Variants in NFIX observed in about 807,000 individuals in gnomAD.
NFIX encodes nuclear factor I X.
NFIX carries 2 observed loss-of-function variants against 53.3 expected under a neutral mutation model. The observed-to-expected ratio is 0.04, with a 90% CI of 0.02 to 0.12. The LOEUF is 0.12. Among genes scored for constraint, NFIX ranks in the 10% least tolerant of loss-of-function variants. NFIX has a pLI of 1.00. For synonymous variants in NFIX, 244 were observed against 289.0 expected (o/e 0.84, Z 1.58); for missense variants, 310 against 674.5 (o/e 0.46, Z 5.99).
At chr19:13,031,523 T>TA (rs985106601) in intron 2 of NFIX, among the ~76,000 whole-genome samples, 2 of 151,954 alleles carry the variant, frequency 1.3e-5, no homozygotes, top group Non-Finnish European at 2.9e-5. Context: ...AATGCACACT[T>TA]AGTCAACTTA....
At chr19:13,074,553 G>A (rs905654223) in intron 5 of NFIX, among the ~76,000 whole-genome samples, 1 of 151,950 alleles carries the variant, frequency 6.6e-6, no homozygotes, top group Admixed American at 6.6e-5. Context: ...AGTGTGTGTG[G>A]GCGGGACTGA....
intron 8 of NFIX, among the ~76,000 whole-genome samples, chr19:13,086,890 G>A (rs781396504): frequency 6.6e-6 from 1 of 152,248 alleles, no homozygotes; most frequent in Non-Finnish European, 1.5e-5. Flanking sequence ...GACATCAAGG[G>A]GATGGGCTCC....
chr19:13,070,520 G>A (rs1285719167), intron 2 of NFIX: 1 of 152,648 alleles, frequency 6.6e-6, no homozygotes, highest in South Asian at 2.1e-4. Context: ...CCGGCCGCAG[G>A]CCTGGCTCCT....
Position 13,075,596 on chromosome 19 carries a change from T to G in NFIX, c.880T>G (p.Phe294Val). The G allele has an allele frequency of 6.2e-7, 1 of 1,613,666 alleles. No homozygotes were observed. Among genetic ancestry groups the G allele is most frequent in the Non-Finnish European group, 8.5e-7 (1 of 1,179,784 alleles). Reference protein sequence around the residue: ...SEMESPVDDVFYPGTGRSPAA... With the variant: ...SEMESPVDDVVYPGTGRSPAA... ...GATGGAGAGCCCTGTTGATGACGTG[T>G]TCTATCCCGGGACAGGCCGTTCCCC... is the stretch of plus-strand genomic sequence containing the variant. Residue 294 changes from phenylalanine to valine, a missense_variant, in exon 6 of 11, where the codon TTC becomes GTC. Coordinates refer to ENST00000592199, the MANE Select transcript of NFIX (RefSeq NM_001365902.3).
At chr19:13,055,409 C>T (rs993097588) in intron 2 of NFIX, among the ~76,000 whole-genome samples, 5 of 152,190 alleles carry the variant, frequency 3.3e-5, no homozygotes, top group Non-Finnish European at 7.4e-5. Flanking sequence ...CCGGGGGCCC[C>T]GCCAGGGAGG....
intron 2 of NFIX, chr19:13,069,945 TATCCCCTCCCCCGGGG>T (rs2016673104): frequency 6.6e-6 from 1 of 152,292 alleles, no homozygotes; most frequent in Non-Finnish European, 1.5e-5. Context: ...ATCCCAGGGT[TATCCCCTCCCCCGGGG>T]AAGCCCAGAC....
chr19:13,023,289 C>A (rs2013061694), intron 1 of NFIX, among the ~76,000 whole-genome samples: 1 of 151,914 alleles, frequency 6.6e-6, no homozygotes, highest in African/African-American at 2.4e-5. Context: ...TCCACGTCCT[C>A]CCTCGATCCT....
intron 1 of NFIX, among the ~76,000 whole-genome samples, chr19:13,007,608 C>T (rs1254744578): frequency 3.3e-5 from 5 of 152,200 alleles, no homozygotes; most frequent in Non-Finnish European, 5.9e-5. Context: ...TTCCTGCTTC[C>T]ACTCCCCAGA....
chr19:13,097,736 CCTT>C lies in NFIX; in HGVS notation c.*3091_*3093del, dbSNP rs1254414103. On this transcript the variant is annotated 3_prime_UTR_variant, in exon 11 of 11. Transcript: ENST00000592199. ...CTCCCTCCCTCTCCGCCCCGAGCGC[CCTT>C]CTTTGAGCCAGACGCCAACTTGACC... is the stretch of plus-strand genomic sequence containing the variant. 1 of 151,716 alleles carries C rather than the reference CCTT, an allele frequency of 6.6e-6. No individual in the cohort carries two copies. The highest frequency in any genetic ancestry group is 1.5e-5 in the Non-Finnish European group (1 of 67,740). 9.4% of individuals were successfully genotyped at this position (151,716 alleles called of 1,614,324 possible).
intron 2 of NFIX, among the ~76,000 whole-genome samples, chr19:13,038,169 C>G (rs983421438): frequency 1.3e-5 from 2 of 152,170 alleles, no homozygotes; most frequent in African/African-American, 4.8e-5. Context: ...AGTGCCATCT[C>G]AAAGTGAGAC....
At chr19:13,038,773 C>T (rs1054104139) in intron 2 of NFIX, among the ~76,000 whole-genome samples, 5 of 152,176 alleles carry the variant, frequency 3.3e-5, no homozygotes, top group Non-Finnish European at 7.3e-5. Flanking sequence ...CGGACAGGGC[C>T]CACAGATGAA....
At chr19:13,024,170 C>T in intron 1 of NFIX, 1 of 713,868 alleles carries the variant, frequency 1.4e-6, no homozygotes, top group Non-Finnish European at 2.3e-6. Flanking sequence ...TGTCACCTGA[C>T]TGAGTGGGAA....
Position 13,094,553 on chromosome 19 carries a change from GC to G in NFIX, c.1495-80del. The stretch of plus-strand genomic sequence containing the variant: ...TCTTTGGGAGCTGGACCCTTGAGGG[GC>G]CAGGTCACTGGGCCAGGTAGGAGTG... On this transcript the variant is annotated intron_variant, in intron 10 of 10. Transcript: ENST00000592199. The surrounding 1 kb of genome is among the most constrained non-coding windows in gnomAD (Gnocchi z 4.3). 7.0e-7 allele frequency: 1 copy of G among 1,433,720 alleles called. No individual in the cohort carries two copies. Among genetic ancestry groups the G allele is most frequent in the Admixed American group, 2.0e-5 (1 of 49,906 alleles). 88.8% of individuals were successfully genotyped at this position (1,433,720 alleles called of 1,614,324 possible). A position where few individuals can be genotyped will look rare whatever the true frequency, so the allele number is the denominator to read the frequency against.
Position 13,081,756 on chromosome 19 carries a change from G to A in NFIX, c.1155G>A (p.Thr385=), listed in dbSNP as rs766182073. Reference sequence around the variant, plus strand: ...TCCAGCAGTCGAGCCCGTATTTCACGCACCCGACCATCCGCTACCACCACC... The same window carrying A: ...TCCAGCAGTCGAGCCCGTATTTCACACACCCGACCATCCGCTACCACCACC... ...SIIQQSSPYF[T]HPTIRYHHHH... is the part of the protein sequence containing the mutation. Residue 385 remains threonine, a synonymous_variant, in exon 8 of 11, where the codon ACG becomes ACA. Coordinates refer to ENST00000592199, the MANE Select transcript of NFIX (RefSeq NM_001365902.3). This position sits in a 1 kb window ranked among gnomAD's most constrained non-coding sequence, Gnocchi z 4.7. The A allele has an allele frequency of 9.3e-6, 15 of 1,613,744 alleles. No homozygotes were observed. Among genetic ancestry groups the A allele is most frequent in the East Asian group, 4.5e-5 (2 of 44,890 alleles).
chr19:13,066,201 T>C lies in NFIX; in HGVS notation c.560-6846T>C, dbSNP rs2016392151. On this transcript the variant is annotated intron_variant, in intron 2 of 10. Transcript: ENST00000592199. This position sits in a 1 kb window ranked among gnomAD's most constrained non-coding sequence, Gnocchi z 4.2. ...TACTGCCGAGCTGTGAGTCCTGTAGTAGCCAGGCCTGGCACTTGCTCCAGG... is the reference window on the plus strand; with the variant it reads ...TACTGCCGAGCTGTGAGTCCTGTAGCAGCCAGGCCTGGCACTTGCTCCAGG... 6.6e-6 allele frequency among the ~76,000 whole-genome samples: 1 copy of C among 152,150 alleles called. No individual in the cohort carries two copies. Among genetic ancestry groups the C allele is most frequent in the Non-Finnish European group, 1.5e-5 (1 of 68,002 alleles).
rs2014305983 is a variant in NFIX, at chr19:13,037,699, A to C, written c.559+12147A>C. Reference sequence around the variant, plus strand: ...CACCTCGGTAAACCCCTCAGTCTCCAGCAAACTGGGATTGTTGGTCACCCT... The same window carrying C: ...CACCTCGGTAAACCCCTCAGTCTCCCGCAAACTGGGATTGTTGGTCACCCT... On this transcript the variant is annotated intron_variant, in intron 2 of 10. Coordinates refer to ENST00000592199, the MANE Select transcript of NFIX (RefSeq NM_001365902.3). The surrounding 1 kb of genome is among the most constrained non-coding windows in gnomAD (Gnocchi z 4.2). Among the ~76,000 whole-genome samples, 1 of 152,188 alleles carries C rather than the reference A, an allele frequency of 6.6e-6. No individual in the cohort carries two copies. Among genetic ancestry groups the C allele is most frequent in the South Asian group, 2.1e-4 (1 of 4,832 alleles).
intron 2 of NFIX, among the ~76,000 whole-genome samples, chr19:13,061,533 A>G (rs1040274973): frequency 2.0e-5 from 3 of 152,078 alleles, no homozygotes; most frequent in African/African-American, 4.8e-5. Flanking sequence ...GCTAGTGTTA[A>G]CTCGCTGCGC....
At position 13,005,406 on chromosome 19, in the gene NFIX, G is replaced by T. The variant is rs1262876514; in HGVS notation, c.27+9542G>T. On this transcript the variant is annotated intron_variant, in intron 1 of 10. Transcript: ENST00000592199. The surrounding 1 kb of genome is among the most constrained non-coding windows in gnomAD (Gnocchi z 4.7). ...TAGGAGAGTGGGGCCTGCAGAGCCAGCTTCCTGGGTTTGACTCCTGGCTCT... is the reference window on the plus strand; with the variant it reads ...TAGGAGAGTGGGGCCTGCAGAGCCATCTTCCTGGGTTTGACTCCTGGCTCT... Among the ~76,000 whole-genome samples the T allele has an allele frequency of 2.6e-5, 4 of 152,198 alleles. No homozygotes were observed.
chr19:13,028,482 C>T lies in NFIX; in HGVS notation c.559+2930C>T, dbSNP rs1287303568. On this transcript the variant is annotated intron_variant, in intron 2 of 10. Coordinates refer to ENST00000592199, the MANE Select transcript of NFIX (RefSeq NM_001365902.3). This position sits in a 1 kb window ranked among gnomAD's most constrained non-coding sequence, Gnocchi z 4.2. ...GGCCTTCCTGAGCCCTTGTTATGTCCCAGATGAAGCTTCAAGAGATGACAT... is the reference window on the plus strand; with the variant it reads ...GGCCTTCCTGAGCCCTTGTTATGTCTCAGATGAAGCTTCAAGAGATGACAT... Among the ~76,000 whole-genome samples, 1 of 152,042 alleles carries T rather than the reference C, an allele frequency of 6.6e-6. No homozygotes were observed. The highest frequency in any genetic ancestry group is 2.4e-5 in the African/African-American group (1 of 41,350).
Sources: allele counts gnomAD v4.1 joint callset (sites outside exome capture counted in the v4.1 genomes callset), GRCh38; gene constraint gnomAD v4.1.1; non-coding constraint Gnocchi (gnomAD v3.1); transcripts MANE v1.5; gene names NCBI Gene and HGNC (gene_info 2026-07-23, HGNC 2026-07-21).